CDAN1: variants seen among roughly 807,000 people sequenced by gnomAD.
The protein encoded by CDAN1 is codanin-1.
A neutral mutation model predicts 139.8 loss-of-function variants in CDAN1; 107 were observed. That is an observed-to-expected ratio of 0.77 (90% CI 0.65 to 0.90). The LOEUF is 0.90. CDAN1 is among the 40% of genes least tolerant of loss of function. The pLI is 0.00. For missense variants in CDAN1, 1,667 were observed against 1,575.7 expected, an observed-to-expected ratio of 1.06 and a Z score of -0.98; for synonymous variants, 776 against 660.6, an observed-to-expected ratio of 1.17 and a Z score of -2.68.
rs1345869136 is a variant in CDAN1 at position 42,736,510 on chromosome 15, T to A, written c.361A>T (p.Arg121Trp). 7.1e-7 allele frequency: 1 copy of A among 1,418,078 alleles called. No individual in the cohort carries two copies. The highest frequency in any genetic ancestry group is 1.5e-5 in the African/African-American group (1 of 65,780). 87.8% of individuals were successfully genotyped at this position (1,418,078 alleles called of 1,614,324 possible). ...AEAPLARRGGRRRGPGPARER... is the reference protein window; with the variant it reads ...AEAPLARRGGWRRGPGPARER... Reference sequence around the variant, plus strand: ...CGGGCCGGCCCCGGGCCCCGCCTCCTGCCCCCGCGGCGGGCCAGAGGGGCC... The same window carrying A: ...CGGGCCGGCCCCGGGCCCCGCCTCCAGCCCCCGCGGCGGGCCAGAGGGGCC... The change falls in exon 2 of 28, where the codon AGG (arginine) becomes TGG (tryptophan). Residue 121 changes from arginine (R) to tryptophan (W), a missense_variant. Around this residue, in one of 3 missense-constraint regions of CDAN1, gnomAD observed 487 missense variants for 422.2 expected, o/e 1.15. Transcript: ENST00000356231.
Position 42,736,829 on chromosome 15 carries a change from G to C in CDAN1, c.91-49C>G, listed in dbSNP as rs374298277. 5.6e-3 allele frequency: 8,201 copies of C among 1,473,308 alleles called. 32 individuals are homozygous for C. The highest frequency in any genetic ancestry group is 6.2e-3 in the Non-Finnish European group (6,971 of 1,115,532). The allele number at this position is 1,473,308 out of a possible 1,614,324, so 91.3% of individuals were successfully genotyped here. Reference sequence around the variant, plus strand: ...GGGCGAGAGGGTCAGCCGCCGGCCCGCGGGCCGTGAGCAGCCGGGGCCGTA... The same window carrying C: ...GGGCGAGAGGGTCAGCCGCCGGCCCCCGGGCCGTGAGCAGCCGGGGCCGTA... On this transcript the variant is annotated intron_variant, in intron 1 of 27. Coordinates refer to ENST00000356231, the MANE Select transcript of CDAN1 (RefSeq NM_138477.4).
Position 42,736,328 on chromosome 15 carries a change from T to G in CDAN1, c.543A>C (p.Val181=), listed in dbSNP as rs763029514. 1 of 1,613,826 alleles carries G rather than the reference T, an allele frequency of 6.2e-7. No homozygotes were observed. The highest frequency in any genetic ancestry group is 8.5e-7 in the Non-Finnish European group (1 of 1,179,952). Residue 181 remains valine (V), a synonymous_variant, in exon 2 of 28, where the codon GTA becomes GTC. Coordinates refer to ENST00000356231, the MANE Select transcript of CDAN1 (RefSeq NM_138477.4). ...NLSNLEEFPP[V]GSVPPGPTGT... ...CTGTAGGGCCGGGGGGAACCGAGCC[T>G]ACGGGAGGGAACTCCTCCAGGTTGC... is the stretch of plus-strand genomic sequence containing the variant.
At position 42,726,160 on chromosome 15, in the gene CDAN1, A is replaced by C; in HGVS notation, c.3205T>G (p.Phe1069Val). 6.2e-7 allele frequency: 1 copy of C among 1,613,784 alleles called. No individual in the cohort carries two copies. The highest frequency in any genetic ancestry group is 1.1e-5 in the South Asian group (1 of 91,072). ...TGCTGCTCAGCAGGTGGGCACAGGAACTGCGGTTGGGGTGGGGGGGAAAGA... is the reference window on the plus strand; with the variant it reads ...TGCTGCTCAGCAGGTGGGCACAGGACCTGCGGTTGGGGTGGGGGGGAAAGA... ...QLGQTLRCRQ[F>V]LCPPAEQHLA... The change falls in exon 25 of 28, where the codon TTC becomes GTC. Residue 1069 changes from phenylalanine (F) to valine (V), a missense_variant and splice_region_variant. Around this residue, in one of 3 missense-constraint regions of CDAN1, gnomAD observed 936 missense variants for 844.1 expected, o/e 1.11. Coordinates refer to ENST00000356231, the MANE Select transcript of CDAN1 (RefSeq NM_138477.4).
rs1183040001 is a variant in CDAN1 at position 42,732,338 on chromosome 15, G to A, written c.1528C>T (p.Leu510Phe). ...HFVRLFQKQL[L>F]QMCQSPGGAG... ...TCTCTTGCTGGGGCTGTTACCTGGA[G>A]TAGTTGTTTTTGGAAAAGCCGAACA... The change falls in exon 10 of 28, where the codon CTC becomes TTC. Residue 510 changes from leucine to phenylalanine, a missense_variant. Leu to Phe is a conservative substitution (Grantham distance 22). Coordinates refer to ENST00000356231, the MANE Select transcript of CDAN1 (RefSeq NM_138477.4). 1.9e-6 allele frequency: 3 copies of A among 1,614,008 alleles called. No homozygotes were observed. The highest frequency in any genetic ancestry group is 2.5e-6 in the Non-Finnish European group (3 of 1,179,852).
rs910234195 is a variant in CDAN1 at position 42,737,074 on chromosome 15, C to T, written c.29G>A (p.Arg10Gln). 34 of 1,534,892 alleles carry T rather than the reference C, an allele frequency of 2.2e-5. No individual in the cohort carries two copies. The African/African-American group carries it at 4.2e-4, about 19-fold the overall frequency. Reference sequence around the variant, plus strand: ...GACGGCTGCGACCGACACCTCTTCTCGCAGCAGCGACTCCAAAACGGCCGC... The same window carrying T: ...GACGGCTGCGACCGACACCTCTTCTTGCAGCAGCGACTCCAAAACGGCCGC... MAAVLESLL[R>Q]EEVSVAAVVR... The change falls in exon 1 of 28, where the codon CGA becomes CAA. Residue 10 changes from arginine (R) to glutamine (Q), a missense_variant. Transcript: ENST00000356231.
chr15:42,724,473 C>T lies in CDAN1; in HGVS notation c.*18G>A, dbSNP rs915288145. ...CAGGGTTCTGGTGCAATGCCCAAGG[C>T]AGGGCCACTTCTCAGCCCTAGCTCT... On this transcript the variant is annotated 3_prime_UTR_variant, in exon 28 of 28. Coordinates refer to ENST00000356231, the MANE Select transcript of CDAN1 (RefSeq NM_138477.4). The T allele has an allele frequency of 6.3e-6, 10 of 1,574,898 alleles. No homozygotes were observed. The highest frequency in any genetic ancestry group is 7.8e-6 in the Non-Finnish European group (9 of 1,159,388).
intron 23 of CDAN1, chr15:42,727,356 G>A (rs1454104222): frequency 1.4e-5 from 6 of 425,272 alleles, no homozygotes; most frequent in Non-Finnish European, 2.1e-5. Flanking sequence ...ATCACCATCT[G>A]CATAATAAGC....
chr15:42,733,011 A>AAG, intron 9 of CDAN1, 86 bp downstream of exon 9: 2 of 1,029,222 alleles, frequency 1.9e-6, no homozygotes, highest in Non-Finnish European at 1.5e-6. Context: ...AGCGGGGAAA[A>AAG]CCTTCCCTCC....
chr15:42,724,272 TCTGGACTTTTCTGCCATA>T lies in CDAN1; in HGVS notation c.*201_*218del, dbSNP rs2061494352. The T allele has an allele frequency of 5.2e-6, 3 of 579,302 alleles. No homozygotes were observed. Among genetic ancestry groups the T allele is most frequent in the Non-Finnish European group, 9.3e-6 (3 of 323,268 alleles). The allele number at this position is 579,302 out of a possible 1,614,324, so 35.9% of individuals were successfully genotyped here. On this transcript the variant is annotated 3_prime_UTR_variant, in exon 28 of 28. Transcript: ENST00000356231. Reference sequence around the variant, plus strand: ...CCTCTTCTACTCCAGGACTGGCATCTCTGGACTTTTCTGCCATAATCCCAAATCAGGCCAACTCTCCTT... The same window carrying T: ...CCTCTTCTACTCCAGGACTGGCATCTATCCCAAATCAGGCCAACTCTCCTT...
chr15:42,736,654 C>T lies in CDAN1; in HGVS notation c.217G>A (p.Ala73Thr). 6.5e-7 allele frequency: 1 copy of T among 1,532,094 alleles called. No individual in the cohort carries two copies. Among genetic ancestry groups the T allele is most frequent in the Non-Finnish European group, 8.8e-7 (1 of 1,140,496 alleles). The allele number at this position is 1,532,094 out of a possible 1,614,324, so 94.9% of individuals were successfully genotyped here. ...GCTGCCGAGGCGCCCGGGGTCTTGGCGGGGGTCGGGGGCCCCTGCGGGAGG... is the reference window on the plus strand; with the variant it reads ...GCTGCCGAGGCGCCCGGGGTCTTGGTGGGGGTCGGGGGCCCCTGCGGGAGG... ...RVLPQGPPTPAKTPGASAALP... is the reference protein window; with the variant it reads ...RVLPQGPPTPTKTPGASAALP... Residue 73 changes from alanine (A) to threonine (T), a missense_variant, in exon 2 of 28, where the codon GCC becomes ACC. Around this residue, in one of 3 missense-constraint regions of CDAN1, gnomAD observed 487 missense variants for 422.2 expected, o/e 1.15. Transcript: ENST00000356231.
intron 23 of CDAN1, chr15:42,726,880 C>T (rs2061536211): frequency 5.3e-6 from 1 of 187,856 alleles, no homozygotes; most frequent in Non-Finnish European, 1.1e-5. Flanking sequence ...TAAGCCTCTT[C>T]CTCTCCCTCC....
rs2061571850 is a variant in CDAN1, at chr15:42,729,043, T to C, written c.2625A>G (p.Ser875=). 6.2e-7 allele frequency: 1 copy of C among 1,614,220 alleles called. No homozygotes were observed. Residue 875 remains serine (S), a synonymous_variant, in exon 19 of 28, where the codon TCA becomes TCG. Coordinates refer to ENST00000356231, the MANE Select transcript of CDAN1 (RefSeq NM_138477.4). ...TVEFVAERIG[S]NCVKHIKATL... ...CTTACTTGATATGTTTGACACAGTT[T>C]GATCCAATTCTTTCTGCCACGAACT...
chr15:42,734,355 A>ACG lies in CDAN1; in HGVS notation c.1137-10_1137-9insCG, dbSNP rs1566987919. 1.2e-6 allele frequency: 2 copies of ACG among 1,614,058 alleles called. No individual in the cohort carries two copies. Among genetic ancestry groups the ACG allele is most frequent in the Admixed American group, 3.3e-5 (2 of 60,026 alleles). ...CCAGGTTGGAAAGAACCCTGCAGGG[A>ACG]CAAGAGCACCTATGACTGAGACCAG... is the stretch of plus-strand genomic sequence containing the variant. On this transcript the variant is annotated splice_polypyrimidine_tract_variant and intron_variant, in intron 6 of 27. Transcript: ENST00000356231.
chr15:42,736,639 C>A lies in CDAN1; in HGVS notation c.232G>T (p.Ala78Ser). The change falls in exon 2 of 28, where the codon GCC (alanine) becomes TCC (serine). Residue 78 changes from alanine to serine, a missense_variant. Coordinates refer to ENST00000356231, the MANE Select transcript of CDAN1 (RefSeq NM_138477.4). ...GGCCTCCCTGGCAAGGCTGCCGAGGCGCCCGGGGTCTTGGCGGGGGTCGGG... is the reference window on the plus strand; with the variant it reads ...GGCCTCCCTGGCAAGGCTGCCGAGGAGCCCGGGGTCTTGGCGGGGGTCGGG... ...GPPTPAKTPG[A>S]SAALPGRPGG... The A allele has an allele frequency of 1.3e-6, 2 of 1,520,152 alleles. No individual in the cohort carries two copies. The highest frequency in any genetic ancestry group is 1.8e-6 in the Non-Finnish European group (2 of 1,134,332). 94.2% of individuals were successfully genotyped at this position (1,520,152 alleles called of 1,614,324 possible).
In CDAN1 at chr15:42,728,219, C is replaced by T. The variant is rs1041106624; in HGVS notation, c.2853G>A (p.Glu951=). The change falls in exon 21 of 28, where the codon GAG becomes GAA. Residue 951 remains glutamate (E), a synonymous_variant. Coordinates refer to ENST00000356231, the MANE Select transcript of CDAN1 (RefSeq NM_138477.4). ...SPGAVRALLP[E]ETPAAVLSSA... ...TCACACGTACGGCTGCCGGGGTCTC[C>T]TCTGGAAGCAGCGCCCGCACAGCCC... 2 of 1,613,880 alleles carry T rather than the reference C, an allele frequency of 1.2e-6. No homozygotes were observed. The highest frequency in any genetic ancestry group is 1.7e-6 in the Non-Finnish European group (2 of 1,179,990).
chr15:42,725,452 T>C (rs1458881821), intron 26 of CDAN1, 37 bp downstream of exon 26: 11 of 1,612,446 alleles, frequency 6.8e-6, no homozygotes, highest in Non-Finnish European at 9.3e-6. Flanking sequence ...ATGTTCAGAG[T>C]GTGACTGCAG....
Position 42,736,751 on chromosome 15 carries a change from G to A in CDAN1, c.120C>T (p.Ser40=). The A allele has an allele frequency of 1.3e-6, 2 of 1,553,566 alleles. No individual in the cohort carries two copies. Among genetic ancestry groups the A allele is most frequent in the South Asian group, 2.4e-5 (2 of 83,626 alleles). ...EDNAGEAAAL[S]SLRALRKEFV... is the part of the protein sequence containing the mutation. ...ATTCTTTCCGCAGGGCCCGGAGTGA[G>A]CTCAGCGCGGCCGCCTCCCCAGCGT... Residue 40 remains serine (S), a synonymous_variant, in exon 2 of 28, where the codon AGC becomes AGT. Coordinates refer to ENST00000356231, the MANE Select transcript of CDAN1 (RefSeq NM_138477.4).
In CDAN1 at chr15:42,731,812, G is replaced by C; in HGVS notation, c.1547C>G (p.Pro516Arg). The C allele has an allele frequency of 6.2e-7, 1 of 1,613,974 alleles. No individual in the cohort carries two copies. The highest frequency in any genetic ancestry group is 8.5e-7 in the Non-Finnish European group (1 of 1,179,944). The change falls in exon 11 of 28, where the codon CCT becomes CGT. Residue 516 changes from proline (P) to arginine (R), a missense_variant. Pro to Arg is a moderately radical substitution (Grantham distance 103). Coordinates refer to ENST00000356231, the MANE Select transcript of CDAN1 (RefSeq NM_138477.4). Reference protein sequence around the residue: ...QKQLLQMCQSPGGAGGTVLGE... With the variant: ...QKQLLQMCQSRGGAGGTVLGE... ...CAAGACGGTGCCCCCAGCACCACCA[G>C]GGCTCTGACACATCTAGGGTGGAAG...
Position 42,735,922 on chromosome 15 carries a change from T to C in CDAN1, c.726A>G (p.Pro242=), listed in dbSNP as rs764071614. ...GCTCCTCTTGCAGACTTCTGCACCC[T>C]GGGGGAAGGCCAAGGCCCCAAGGGC... ...DTSPWGLGLP[P]GCRSLQEERE... is the part of the protein sequence containing the mutation. Residue 242 remains proline (P), a synonymous_variant, in exon 3 of 28, where the codon CCA becomes CCG. Coordinates refer to ENST00000356231, the MANE Select transcript of CDAN1 (RefSeq NM_138477.4). 1 of 1,614,082 alleles carries C rather than the reference T, an allele frequency of 6.2e-7. No individual in the cohort carries two copies. Among genetic ancestry groups the C allele is most frequent in the Non-Finnish European group, 8.5e-7 (1 of 1,180,004 alleles).
Sources: gnomAD v4.1 joint callset for allele counts on GRCh38, gnomAD v4.1.1 for gene constraint, gnomAD v4.1.1 regional missense constraint, MANE v1.5 for transcripts, NCBI Gene and HGNC (gene_info 2026-07-23, HGNC 2026-07-21) for gene names.